Variants in MIER2 observed in about 807,000 individuals in gnomAD.
The protein encoded by MIER2 is mesoderm induction early response protein 2.
MIER2 carries 30 observed loss-of-function variants against 67.6 expected under a neutral mutation model. That is an observed-to-expected ratio of 0.44 (90% CI 0.33 to 0.60). MIER2 has a LOEUF of 0.60. Ranked by LOEUF, MIER2 falls within the 20% of genes least tolerant of loss-of-function variation. MIER2 has a pLI of 0.02. For synonymous variants in MIER2, 372 were observed against 312.6 expected, an observed-to-expected ratio of 1.19 and a Z score of -2.00; for missense variants, 702 against 745.1, an observed-to-expected ratio of 0.94 and a Z score of 0.67.
Position 325,658 on chromosome 19 carries a change from T to G in MIER2, c.632A>C (p.His211Pro). The change falls in exon 7 of 14, where the codon CAC becomes CCC. Residue 211 changes from histidine to proline, a missense_variant. This residue lies in a region of MIER2 where 320 missense variants were observed against 292.6 expected (regional missense o/e 1.09). Coordinates refer to ENST00000264819, the MANE Select transcript of MIER2 (RefSeq NM_017550.3). ...ACTCTTCTCACAGTGCCGGTTCAAG[T>G]GCAGGTTGCTGAGGTCAGCTTGGAA... ...PQFQADLSNL[H>P]LNRHCEKIYE... The G allele has an allele frequency of 2.5e-6, 4 of 1,614,188 alleles. No homozygotes were observed. The highest frequency in any genetic ancestry group is 3.4e-6 in the Non-Finnish European group (4 of 1,180,040).
Position 308,941 on chromosome 19 carries a change from A to G in MIER2, c.985-16T>C. On this transcript the variant is annotated splice_polypyrimidine_tract_variant and intron_variant, in intron 10 of 13. Transcript: ENST00000264819. The surrounding 1 kb of genome is among the most constrained non-coding windows in gnomAD (Gnocchi z 9.1). ...GTGTGCGCACCTGCGGGGAGGGGTC[A>G]GGAGCCATCTCTGTCCCCGGCTGCC... 6.3e-7 allele frequency: 1 copy of G among 1,594,260 alleles called. No homozygotes were observed. Among genetic ancestry groups the G allele is most frequent in the Non-Finnish European group, 8.6e-7 (1 of 1,165,296 alleles).
chr19:338,205 T>C (rs924223353), intron 1 of MIER2, among the ~76,000 whole-genome samples: 1 of 133,814 alleles, frequency 7.5e-6, no homozygotes. Flanking sequence ...AAAAGATTGG[T>C]AAGGAAGAAG....
At chr19:320,448 T>G (rs1290296859) in intron 7 of MIER2, among the ~76,000 whole-genome samples, 1 of 151,888 alleles carries the variant, frequency 6.6e-6, no homozygotes, top group East Asian at 1.9e-4. Flanking sequence ...TAAATAAAAT[T>G]TAAATTAAAA....
At chr19:342,753 G>A (rs1972561276) in intron 1 of MIER2, among the ~76,000 whole-genome samples, 1 of 151,882 alleles carries the variant, frequency 6.6e-6, no homozygotes. Flanking sequence ...GTTAAAAACA[G>A]TGGAATATCG....
chr19:330,096 C>A (rs1419601557), intron 3 of MIER2, among the ~76,000 whole-genome samples: 3 of 152,094 alleles, frequency 2.0e-5, no homozygotes, highest in African/African-American at 4.8e-5. Flanking sequence ...CCAACTATAG[C>A]CACTCAGAAA....
chr19:331,000 A>G (rs558614306), intron 3 of MIER2, among the ~76,000 whole-genome samples: 1 of 152,314 alleles, frequency 6.6e-6, no homozygotes, highest in South Asian at 2.1e-4. Context: ...TCAACCACAG[A>G]TCTGGCTGAG....
intron 1 of MIER2, among the ~76,000 whole-genome samples, chr19:339,472 A>G (rs1326322459): frequency 6.6e-6 from 1 of 152,260 alleles, no homozygotes; most frequent in Non-Finnish European, 1.5e-5. Context: ...ACGTGGACAA[A>G]GTGGAACTCT....
chr19:344,328 G>A, intron 1 of MIER2: 1 of 984,842 alleles, frequency 1.0e-6, no homozygotes, highest in Non-Finnish European at 1.2e-6. Context: ...GATGGGGAGC[G>A]CGGGGCGCCT....
At chr19:326,117 C>T (rs1219522087) in intron 6 of MIER2, among the ~76,000 whole-genome samples, 1 of 152,228 alleles carries the variant, frequency 6.6e-6, no homozygotes, top group Non-Finnish European at 1.5e-5. Flanking sequence ...GGCCGAGATA[C>T]CAGGTTGGGG....
intron 3 of MIER2, among the ~76,000 whole-genome samples, chr19:333,944 G>A (rs28518772): frequency 6.6e-6 from 1 of 151,912 alleles, no homozygotes; most frequent in South Asian, 2.1e-4. Flanking sequence ...CGCGCACCTC[G>A]GCCTCCCAAA....
rs1237248349 is a variant in MIER2, at chr19:306,424, G to A, written c.*266C>T. ...CTCTTCTGTCCCCGGCTGCCCGACG[G>A]ATCCCACGTGCAGGCAGCGGCCCGG... is the stretch of plus-strand genomic sequence containing the variant. On this transcript the variant is annotated 3_prime_UTR_variant, in exon 14 of 14. Transcript: ENST00000264819. The A allele has an allele frequency of 3.4e-6, 2 of 590,156 alleles. No individual in the cohort carries two copies. Among genetic ancestry groups the A allele is most frequent in the Non-Finnish European group, 3.0e-6 (1 of 332,184 alleles). The allele number at this position is 590,156 out of a possible 1,614,324, so 36.6% of individuals were successfully genotyped here.
In MIER2 at chr19:307,791, T is replaced by C. The variant is rs80240227; in HGVS notation, c.1199-255A>G. 7.8e-4 allele frequency among the ~76,000 whole-genome samples: 81 copies of C among 103,652 alleles called. 1 individual carries two copies. The East Asian group carries it at 0.014, about 18-fold the overall frequency. 68.0% of individuals were successfully genotyped at this position (103,652 alleles called of 152,430 possible). ...CATCTTTAAAAAGAGCAGAATACAA[T>C]AGACATAGGTGTAAACAATGCCGGG... On this transcript the variant is annotated intron_variant, in intron 12 of 13. Coordinates refer to ENST00000264819, the MANE Select transcript of MIER2 (RefSeq NM_017550.3).
rs759517615 is a variant in MIER2, at chr19:327,891, C to T, written c.342G>A (p.Pro114=). 15 of 1,612,404 alleles carry T rather than the reference C, an allele frequency of 9.3e-6. No individual in the cohort carries two copies. Among genetic ancestry groups the T allele is most frequent in the South Asian group, 7.7e-5 (7 of 91,002 alleles). The change falls in exon 4 of 14, where the codon CCG becomes CCA. Residue 114 remains proline, a synonymous_variant. Coordinates refer to ENST00000264819, the MANE Select transcript of MIER2 (RefSeq NM_017550.3). The stretch of plus-strand genomic sequence containing the variant: ...TGTCCAGGGTCATGTCTGGGAGGTT[C>T]GGGGCCACGTCACCACCCTCACTCT... The part of the protein sequence containing the change: ...DRESEGGDVA[P]NLPDMTLDKE...
intron 7 of MIER2, among the ~76,000 whole-genome samples, chr19:314,218 G>A (rs995096017): frequency 3.3e-5 from 5 of 152,224 alleles, no homozygotes; most frequent in Non-Finnish European, 7.3e-5. Flanking sequence ...GCCAGAAGGT[G>A]CATCACCTCT....
intron 1 of MIER2, among the ~76,000 whole-genome samples, chr19:342,469 G>A (rs1343976976): frequency 3.9e-5 from 6 of 151,902 alleles, no homozygotes; most frequent in African/African-American, 1.5e-4. Context: ...CCTAGAGTAG[G>A]GGGCAGATCC....
intron 7 of MIER2, among the ~76,000 whole-genome samples, chr19:324,240 GACAC>G (rs796912824): frequency 8.1e-6 from 1 of 123,692 alleles, no homozygotes; most frequent in East Asian, 2.3e-4. Context: ...CAATACACAA[GACAC>G]ACACAACCAC....
intron 8 of MIER2, 125 bp downstream of exon 8, chr19:313,349 GCTGTTCCAGTGCCCTGGC>G: frequency 7.5e-7 from 1 of 1,329,552 alleles, no homozygotes; most frequent in Non-Finnish European, 1.0e-6. Context: ...GACCTGAGTA[GCTGTTCCAGTGCCCTGGC>G]CCCCACACAC....
At chr19:343,121 G>A (rs1972575981) in intron 1 of MIER2, among the ~76,000 whole-genome samples, 1 of 152,144 alleles carries the variant, frequency 6.6e-6, no homozygotes, top group African/African-American at 2.4e-5. Flanking sequence ...ACTCAACAGG[G>A]CACCACCCCA....
chr19:311,745 GC>G, intron 10 of MIER2, 99 bp downstream of exon 10: 2 of 1,137,330 alleles, frequency 1.8e-6, no homozygotes, highest in South Asian at 2.8e-5. Context: ...AGGACACGGG[GC>G]TCCAGGCCTC....
Sources: gnomAD v4.1 joint callset for allele counts (sites outside exome capture counted in the v4.1 genomes callset) on GRCh38, gnomAD v4.1.1 for gene constraint, gnomAD v4.1.1 regional missense constraint, Gnocchi (gnomAD v3.1) non-coding constraint, MANE v1.5 for transcripts, NCBI Gene and HGNC (gene_info 2026-07-23, HGNC 2026-07-21) for gene names.